Variants in NECTIN3 observed in about 807,000 individuals in gnomAD.
NECTIN3 encodes nectin-3.
NECTIN3 carries 8 observed loss-of-function variants against 49.4 expected under a neutral mutation model. That is an observed-to-expected ratio of 0.16 (90% confidence interval 0.10 to 0.29). NECTIN3 has a LOEUF of 0.29. Ranked by LOEUF, NECTIN3 falls within the 10% of genes least tolerant of loss-of-function variation. NECTIN3 has a pLI of 1.00. For synonymous variants in NECTIN3, 277 were observed against 241.1 expected, an observed-to-expected ratio of 1.15 and a Z score of -1.38; for missense variants, 581 against 654.6, an observed-to-expected ratio of 0.89 and a Z score of 1.23.
intron 2 of NECTIN3, among the ~76,000 whole-genome samples, chr3:111,114,440 C>T (rs1046279149): frequency 1.3e-5 from 2 of 152,010 alleles, no homozygotes; most frequent in Non-Finnish European, 2.9e-5. Context: ...TAGCAGTTAC[C>T]ACACTATTAT....
intron 2 of NECTIN3, among the ~76,000 whole-genome samples, chr3:111,118,143 T>C (rs1166261124): frequency 6.6e-6 from 1 of 151,004 alleles, no homozygotes; most frequent in South Asian, 2.1e-4. Flanking sequence ...CCAATAGGTA[T>C]GCTCAGAAGA....
chr3:111,112,900 G>A lies in NECTIN3; in HGVS notation c.502+529G>A, dbSNP rs567808479. On this transcript the variant is annotated intron_variant, in intron 2 of 5. Transcript: ENST00000485303. ...CCTATGATACCTGTTAAAGTTTATGGTAAAATGTTGAAAAAGCTCGTTAAC... is the reference window on the plus strand; with the variant it reads ...CCTATGATACCTGTTAAAGTTTATGATAAAATGTTGAAAAAGCTCGTTAAC... Among the ~76,000 whole-genome samples the A allele has an allele frequency of 2.0e-5, 3 of 152,156 alleles. No individual in the cohort carries two copies. The South Asian group carries it at 6.2e-4, about 32-fold the overall frequency.
Position 111,105,073 on chromosome 3 carries a change from A to G in NECTIN3, c.161-6957A>G, listed in dbSNP as rs187297166. On this transcript the variant is annotated intron_variant, in intron 1 of 5. Transcript: ENST00000485303. ...AGTTCTAACTGTACAGTTTTTTCAC[A>G]CCTTTGGTCAGATTTATCTGTATTT... 2.0e-5 allele frequency among the ~76,000 whole-genome samples: 3 copies of G among 149,500 alleles called. No individual in the cohort carries two copies. In the East Asian group the frequency reaches 5.8e-4, roughly 29 times the overall value.
intron 6 of NECTIN3, among the ~76,000 whole-genome samples, chr3:111,145,477 T>A (rs1008511225): frequency 2.0e-5 from 3 of 152,190 alleles, no homozygotes; most frequent in African/African-American, 7.2e-5. Context: ...GTTTTAAAAA[T>A]TTTTTCTTAA....
At chr3:111,151,427 A>G (rs887709452) in intron 7 of NECTIN3, among the ~76,000 whole-genome samples, 1 of 151,976 alleles carries the variant, frequency 6.6e-6, no homozygotes, top group African/African-American at 2.4e-5. Flanking sequence ...TGAGATATCA[A>G]TATATAATGT....
At chr3:111,072,827 C>G (rs1576056422) in intron 1 of NECTIN3, 2 of 404,624 alleles carry the variant, frequency 4.9e-6, no homozygotes, top group East Asian at 1.1e-4. Flanking sequence ...TACCAAACCG[C>G]AGGAACAAGA....
intron 1 of NECTIN3, among the ~76,000 whole-genome samples, chr3:111,109,027 T>TC (rs1387775586): frequency 1.3e-5 from 2 of 152,154 alleles, no homozygotes; most frequent in Non-Finnish European, 2.9e-5. Context: ...GGTTGGGAAG[T>TC]CCAAGATCCA....
At chr3:111,105,046 A>G (rs2033111931) in intron 1 of NECTIN3, among the ~76,000 whole-genome samples, 1 of 152,172 alleles carries the variant, frequency 6.6e-6, no homozygotes, top group Admixed American at 6.5e-5. Context: ...AGCAAATTTT[A>G]CAGTTCTAAC....
At chr3:111,161,234 C>T (rs1485985349) in intron 7 of NECTIN3, among the ~76,000 whole-genome samples, 1 of 152,108 alleles carries the variant, frequency 6.6e-6, no homozygotes, top group Non-Finnish European at 1.5e-5. Context: ...AGAAATTGCT[C>T]TCTCAGGGTT....
Position 111,118,644 on chromosome 3 carries a change from A to T in NECTIN3, c.503-12A>T, listed in dbSNP as rs903523093. 6.6e-6 allele frequency: 10 copies of T among 1,516,240 alleles called. No individual in the cohort carries two copies. Among genetic ancestry groups the T allele is most frequent in the Non-Finnish European group, 8.8e-6 (10 of 1,133,070 alleles). 93.9% of individuals were successfully genotyped at this position (1,516,240 alleles called of 1,614,324 possible). A position where few individuals can be genotyped will look rare whatever the true frequency, so the allele number is the denominator to read the frequency against. ...TTGAATGTAACTAATTATTAAAAAA[A>T]TATTTAAACAGTTGAACCCACTGTG... On this transcript the variant is annotated splice_polypyrimidine_tract_variant and intron_variant, in intron 2 of 5. Transcript: ENST00000485303.
At chr3:111,188,247 T>C (rs2035755649), upstream of NECTIN3, among the ~76,000 whole-genome samples, 1 of 152,222 alleles carries the variant, frequency 6.6e-6, no homozygotes, top group Admixed American at 6.5e-5. Context: ...AGAGTTTATA[T>C]AGCCACACAG....
intron 7 of NECTIN3, among the ~76,000 whole-genome samples, chr3:111,149,022 T>G (rs1318147908): frequency 6.6e-6 from 1 of 152,146 alleles, no homozygotes; most frequent in Non-Finnish European, 1.5e-5. Context: ...AATCTGAAAC[T>G]TTATTAAACT....
rs1323600975 is a variant in NECTIN3, at chr3:111,137,466, T to C, written c.*3251T>C. The C allele has an allele frequency of 9.3e-6, 9 of 964,644 alleles. No individual in the cohort carries two copies. In the Middle Eastern group the frequency reaches 1.6e-3, roughly 169 times the overall value. 59.8% of individuals were successfully genotyped at this position (964,644 alleles called of 1,614,324 possible). On this transcript the variant is annotated 3_prime_UTR_variant, in exon 6 of 6. Coordinates refer to ENST00000485303, the MANE Select transcript of NECTIN3 (RefSeq NM_015480.3). ...TTTTGTTTTGTTTTGTTTTGTTTTG[T>C]TTTTTCTTTTTTAACCAACCTGTGT...
chr3:111,114,525 T>G (rs1297012473), intron 2 of NECTIN3, among the ~76,000 whole-genome samples: 1 of 152,112 alleles, frequency 6.6e-6, no homozygotes, highest in East Asian at 1.9e-4. Context: ...CTAAAGCCAG[T>G]AAGAGTTTCC....
intron 4 of NECTIN3, among the ~76,000 whole-genome samples, 186 bp downstream of exon 4, chr3:111,122,424 G>C (rs2033995768): frequency 6.6e-6 from 1 of 151,888 alleles, no homozygotes; most frequent in Admixed American, 6.6e-5. Context: ...ATCTTTAGAG[G>C]CTACTTTAGC....
At chr3:111,110,286 T>G (rs934179389) in intron 1 of NECTIN3, among the ~76,000 whole-genome samples, 2 of 152,000 alleles carry the variant, frequency 1.3e-5, no homozygotes, top group African/African-American at 4.8e-5. Flanking sequence ...TCTTTCTGTT[T>G]AGTGTTGATA....
intron 1 of NECTIN3, among the ~76,000 whole-genome samples, chr3:111,097,506 G>A (rs1263007644): frequency 6.6e-6 from 1 of 152,146 alleles, no homozygotes; most frequent in Non-Finnish European, 1.5e-5. Flanking sequence ...GAGATGGAAT[G>A]ATATGGTTTG....
chr3:111,100,440 A>T lies in NECTIN3; in HGVS notation c.161-11590A>T, dbSNP rs115830634. On this transcript the variant is annotated intron_variant, in intron 1 of 5. Coordinates refer to ENST00000485303, the MANE Select transcript of NECTIN3 (RefSeq NM_015480.3). The stretch of plus-strand genomic sequence containing the variant: ...ATTTTAAAAAATACTGTGTAAAATT[A>T]CTTTCAAGCTATATGTATAAGGTGT... Among the ~76,000 whole-genome samples, 939 of 152,264 alleles carry T rather than the reference A, an allele frequency of 6.2e-3. 4 individuals are homozygous for T. The highest frequency in any genetic ancestry group is 8.0e-3 in the Non-Finnish European group (543 of 68,004).
Position 111,094,348 on chromosome 3 carries a change from T to C in NECTIN3, c.161-17682T>C, listed in dbSNP as rs568678971. 1.1e-4 allele frequency among the ~76,000 whole-genome samples: 17 copies of C among 152,310 alleles called. No individual in the cohort carries two copies. The South Asian group carries it at 2.9e-3, about 26-fold the overall frequency. On this transcript the variant is annotated intron_variant, in intron 1 of 5. Coordinates refer to ENST00000485303, the MANE Select transcript of NECTIN3 (RefSeq NM_015480.3). ...GTGTGCATACATGAAAATGGAAATATAAGTGGATAATGTTTAAGGTACTCC... is the reference window on the plus strand; with the variant it reads ...GTGTGCATACATGAAAATGGAAATACAAGTGGATAATGTTTAAGGTACTCC...
Sources: gnomAD v4.1 joint callset for allele counts (sites outside exome capture counted in the v4.1 genomes callset) on GRCh38, gnomAD v4.1.1 for gene constraint, MANE v1.5 for transcripts, NCBI Gene and HGNC (gene_info 2026-07-23, HGNC 2026-07-21) for gene names.